Variants in PTPRG observed in about 807,000 individuals in gnomAD.
PTPRG encodes receptor-type tyrosine-protein phosphatase gamma.
Under a neutral mutation model 165.3 loss-of-function variants are expected in PTPRG, and 102 were observed. The observed-to-expected ratio is 0.62, with a 90% CI of 0.53 to 0.73. The LOEUF (loss-of-function observed/expected upper bound fraction) is 0.73, where lower values mean the gene tolerates loss of function less well. PTPRG is among the 30% of genes least tolerant of loss of function. PTPRG has a pLI of 0.00. For synonymous variants in PTPRG, 675 were observed against 669.5 expected (o/e 1.01, Z -0.13); for missense variants, 1,866 against 1,861.4 (o/e 1.00, Z -0.05).
At chr3:61,672,662 G>A (rs560565106) in intron 1 of PTPRG, among the ~76,000 whole-genome samples, 4,940 of 150,430 alleles carry the variant, frequency 0.033, 239 homozygotes, top group African/African-American at 0.1. Flanking sequence ...GAGCCGAGAT[G>A]GCAGCAGTAC....
intron 7 of PTPRG, among the ~76,000 whole-genome samples, chr3:62,166,968 T>C (rs1705012204): frequency 6.6e-6 from 1 of 152,060 alleles, no homozygotes; most frequent in Admixed American, 6.5e-5. Context: ...TAGGCTTGAG[T>C]CACCGCACCT....
At chr3:61,630,656 A>G (rs72874755) in intron 1 of PTPRG, among the ~76,000 whole-genome samples, 4,526 of 152,294 alleles carry the variant, frequency 0.03, 225 homozygotes, top group African/African-American at 0.1. Context: ...AGCATGGTTC[A>G]AAGTATTTAT....
intron 27 of PTPRG, 63 bp from the exon 28 acceptor site, chr3:62,282,664 G>T: frequency 4.6e-6 from 7 of 1,514,708 alleles, no homozygotes; most frequent in Non-Finnish European, 6.2e-6. Flanking sequence ...GCAAGTTCTA[G>T]TCATTAGATT....
intron 8 of PTPRG, among the ~76,000 whole-genome samples, chr3:62,185,205 T>C (rs761481654): frequency 6.6e-6 from 1 of 152,116 alleles, no homozygotes; most frequent in Non-Finnish European, 1.5e-5. Context: ...TGAGGAGCAG[T>C]ACCTTCATGC....
chr3:62,063,191 C>G (rs1018462366), intron 4 of PTPRG, among the ~76,000 whole-genome samples: 1 of 152,186 alleles, frequency 6.6e-6, no homozygotes, highest in Admixed American at 6.5e-5. Flanking sequence ...TAATTATTAT[C>G]TTTTCCACTC....
chr3:61,790,391 T>C (rs1452292124), intron 2 of PTPRG, among the ~76,000 whole-genome samples: 1 of 152,216 alleles, frequency 6.6e-6, no homozygotes, highest in Non-Finnish European at 1.5e-5. Flanking sequence ...AACTTGGAAT[T>C]GAACAAAAAT....
intron 10 of PTPRG, among the ~76,000 whole-genome samples, chr3:62,196,534 A>T (rs148186491): frequency 0.014 from 2,091 of 152,314 alleles, 27 homozygotes; most frequent in Non-Finnish European, 0.021. Context: ...CGCCAACCTA[A>T]TCCCAGTCCT....
chr3:62,208,598 C>T (rs1023421385), intron 12 of PTPRG, among the ~76,000 whole-genome samples: 2 of 152,092 alleles, frequency 1.3e-5, no homozygotes, highest in Non-Finnish European at 2.9e-5. Flanking sequence ...ACTTCCATCC[C>T]CTGGCCTGCA....
At chr3:62,109,679 T>C (rs1366330925) in intron 5 of PTPRG, among the ~76,000 whole-genome samples, 1 of 152,172 alleles carries the variant, frequency 6.6e-6, no homozygotes, top group Non-Finnish European at 1.5e-5. Flanking sequence ...GCTCTCTTTG[T>C]TGCTTAAGGG....
intron 2 of PTPRG, among the ~76,000 whole-genome samples, chr3:61,818,245 T>C (rs913406552): frequency 9.2e-5 from 14 of 152,162 alleles, no homozygotes; most frequent in African/African-American, 3.1e-4. Context: ...GAACACTATA[T>C]ACCTGATATT....
At chr3:61,890,727 TA>T (rs939360130) in intron 2 of PTPRG, among the ~76,000 whole-genome samples, 10 of 152,198 alleles carry the variant, frequency 6.6e-5, no homozygotes, top group African/African-American at 2.4e-4. Flanking sequence ...ACTTGAGCCC[TA>T]CTCCAGCCTT....
intron 4 of PTPRG, among the ~76,000 whole-genome samples, chr3:62,069,860 T>TA (rs1177102509): frequency 6.6e-6 from 1 of 152,116 alleles, no homozygotes; most frequent in Non-Finnish European, 1.5e-5. Flanking sequence ...TCCCTCCTCT[T>TA]AAAAAGACCT....
chr3:62,218,890 C>T lies in PTPRG; in HGVS notation c.2195C>T (p.Pro732Leu), dbSNP rs1700579246. Residue 732 changes from proline to leucine, a missense_variant, in exon 13 of 30, where the codon CCA becomes CTA. By Grantham distance (98) the Pro-to-Leu change is moderately conservative. This residue lies in a region of PTPRG where 1,452 missense variants were observed against 1,463.0 expected (regional missense o/e 0.99). Coordinates refer to ENST00000474889, the MANE Select transcript of PTPRG (RefSeq NM_002841.4). The part of the protein sequence containing the change: ...NTSGMISRPA[P>L]GRMEWIIPLI... ...TCTGGAATGATAAGCCGCCCTGCTC[C>T]AGGGAGGATGGAGTGGATCATCCCT... 1 of 1,614,016 alleles carries T rather than the reference C, an allele frequency of 6.2e-7. No homozygotes were observed. The highest frequency in any genetic ancestry group is 1.1e-5 in the South Asian group (1 of 91,058).
chr3:62,007,548 A>G (rs1231994098), intron 4 of PTPRG, among the ~76,000 whole-genome samples: 1 of 152,228 alleles, frequency 6.6e-6, no homozygotes, highest in African/African-American at 2.4e-5. Flanking sequence ...TTCCTTGCCT[A>G]GCAGCACATT....
intron 16 of PTPRG, among the ~76,000 whole-genome samples, chr3:62,256,845 A>G (rs973320944): frequency 6.6e-6 from 1 of 152,176 alleles, no homozygotes; most frequent in African/African-American, 2.4e-5. Flanking sequence ...TGTAAACTTG[A>G]TCTGACTTAA....
intron 2 of PTPRG, among the ~76,000 whole-genome samples, chr3:61,825,690 G>C (rs1051642242): frequency 9.9e-5 from 15 of 152,000 alleles, no homozygotes; most frequent in African/African-American, 3.4e-4. Context: ...TGTCACCCAG[G>C]CTGGGGTGTA....
intron 2 of PTPRG, among the ~76,000 whole-genome samples, chr3:61,939,236 T>G (rs146805915): frequency 6.6e-6 from 1 of 152,264 alleles, no homozygotes; most frequent in East Asian, 1.9e-4. Context: ...CAGCCCTATA[T>G]TTACTCACAC....
chr3:62,190,017 C>T lies in PTPRG; in HGVS notation c.1034-1452C>T, dbSNP rs1217405217. On this transcript the variant is annotated intron_variant, in intron 8 of 29. Coordinates refer to ENST00000474889, the MANE Select transcript of PTPRG (RefSeq NM_002841.4). This position sits in a 1 kb window ranked among gnomAD's most constrained non-coding sequence, Gnocchi z 5.2. ...TGAACCTTCCTCAAGGGCATCTTCC[C>T]TGGGTGCCAAAGCCCGAGCCACCTC... Among the ~76,000 whole-genome samples, 4 of 152,172 alleles carry T rather than the reference C, an allele frequency of 2.6e-5. No individual in the cohort carries two copies. The highest frequency in any genetic ancestry group is 9.7e-5 in the African/African-American group (4 of 41,436).
At chr3:61,773,323 G>C (rs1050507889) in intron 2 of PTPRG, among the ~76,000 whole-genome samples, 3 of 152,124 alleles carry the variant, frequency 2.0e-5, no homozygotes, top group Non-Finnish European at 2.9e-5. Context: ...AAATAAAAGT[G>C]ATCTGTTGCT....
Sources: allele counts gnomAD v4.1 joint callset (sites outside exome capture counted in the v4.1 genomes callset), GRCh38; gene constraint gnomAD v4.1.1; regional missense constraint gnomAD v4.1.1; non-coding constraint Gnocchi (gnomAD v3.1); transcripts MANE v1.5; gene names NCBI Gene and HGNC (gene_info 2026-07-23, HGNC 2026-07-21).